Variants in NEK7 observed in about 807,000 individuals in gnomAD.
NEK7 encodes NIMA related kinase 7.
Under a neutral mutation model 44.6 loss-of-function variants are expected in NEK7, and 18 were observed. That is an observed-to-expected ratio of 0.40 (90% CI 0.28 to 0.60). The LOEUF is 0.60. NEK7 is among the 20% of genes least tolerant of loss of function. The pLI is 0.38. For synonymous variants in NEK7, 130 were observed against 121.1 expected, an observed-to-expected ratio of 1.07 and a Z score of -0.48; for missense variants, 256 against 366.5, an observed-to-expected ratio of 0.70 and a Z score of 2.46.
intron 2 of NEK7, among the ~76,000 whole-genome samples, chr1:198,237,088 A>T (rs930300599): frequency 3.3e-5 from 5 of 152,148 alleles, no homozygotes; most frequent in African/African-American, 1.2e-4. Flanking sequence ...AGAGTTGATT[A>T]TGCTGTCTTC....
chr1:198,158,224 T>C (rs1258727953), intron 1 of NEK7, among the ~76,000 whole-genome samples: 1 of 152,230 alleles, frequency 6.6e-6, no homozygotes, highest in Non-Finnish European at 1.5e-5. Context: ...TACAGTAAGA[T>C]ACATGTTACT....
chr1:198,210,121 G>T (rs926618755), intron 1 of NEK7, among the ~76,000 whole-genome samples: 2 of 152,044 alleles, frequency 1.3e-5, no homozygotes, highest in Non-Finnish European at 2.9e-5. Context: ...TAGGGACAGG[G>T]TCCTACTTTG....
intron 2 of NEK7, among the ~76,000 whole-genome samples, chr1:198,247,647 G>C (rs181305899): frequency 3.5e-4 from 54 of 152,142 alleles, no homozygotes; most frequent in African/African-American, 1.3e-3. Flanking sequence ...AAGGAAGCAT[G>C]ATCTTTTTCT....
chr1:198,243,958 A>G (rs1301255133), intron 2 of NEK7, among the ~76,000 whole-genome samples: 1 of 152,104 alleles, frequency 6.6e-6, no homozygotes, highest in African/African-American at 2.4e-5. Flanking sequence ...GGAGGTCTAT[A>G]GAATACATGA....
chr1:198,261,288 G>T (rs1320609854), intron 3 of NEK7, among the ~76,000 whole-genome samples: 1 of 151,922 alleles, frequency 6.6e-6, no homozygotes, highest in Non-Finnish European at 1.5e-5. Context: ...ACTGACTATG[G>T]AGCTAGAACA....
At chr1:198,246,760 AT>A (rs1666846898) in intron 2 of NEK7, among the ~76,000 whole-genome samples, 1 of 152,250 alleles carries the variant, frequency 6.6e-6, no homozygotes, top group South Asian at 2.1e-4. Context: ...CAGACAGAAG[AT>A]GGAATTCCCA....
At chr1:198,298,751 C>G (rs1040609545) in intron 9 of NEK7, among the ~76,000 whole-genome samples, 1 of 152,176 alleles carries the variant, frequency 6.6e-6, no homozygotes, top group East Asian at 1.9e-4. Context: ...TCCTCATCCC[C>G]TATTCTTCTT....
At chr1:198,284,071 A>G (rs879586672) in intron 7 of NEK7, among the ~76,000 whole-genome samples, 4 of 152,154 alleles carry the variant, frequency 2.6e-5, no homozygotes, top group Admixed American at 6.6e-5. Context: ...GGGTATAATA[A>G]CATTTATCAT....
At chr1:198,202,811 G>A (rs1381619536) in intron 1 of NEK7, among the ~76,000 whole-genome samples, 5 of 152,046 alleles carry the variant, frequency 3.3e-5, no homozygotes, top group Admixed American at 2.0e-4. Context: ...TGGGTCCCTC[G>A]CACACCACAT....
chr1:198,317,877 A>ATTTTTTTTTTTTTTT (rs34704209), intron 9 of NEK7, among the ~76,000 whole-genome samples: 2 of 70,256 alleles, frequency 2.8e-5, no homozygotes, highest in African/African-American at 6.3e-5. Flanking sequence ...GGATATATTT[A>ATTTTTTTTTTTTTTT]TTTTTTTTTT....
chr1:198,222,992 C>A (rs190615021), intron 1 of NEK7, among the ~76,000 whole-genome samples: 8 of 151,948 alleles, frequency 5.3e-5, no homozygotes, highest in African/African-American at 1.9e-4. Flanking sequence ...AATACAAAGG[C>A]CTGATGCCAG....
intron 2 of NEK7, among the ~76,000 whole-genome samples, chr1:198,236,010 C>G (rs1053550868): frequency 1.8e-4 from 28 of 151,932 alleles, no homozygotes; most frequent in Non-Finnish European, 3.5e-4. Context: ...AGACTGTAAT[C>G]CATTTACTAT....
chr1:198,160,211 T>C (rs1183119588), intron 1 of NEK7, among the ~76,000 whole-genome samples: 2 of 152,180 alleles, frequency 1.3e-5, no homozygotes, highest in Non-Finnish European at 2.9e-5. Flanking sequence ...ACCTGAGAAC[T>C]GGGCCTGAGA....
intron 1 of NEK7, among the ~76,000 whole-genome samples, chr1:198,194,448 C>A (rs1447862779): frequency 2.0e-5 from 3 of 152,004 alleles, no homozygotes. Context: ...CCTCCTCCCA[C>A]CCTTCACCCT....
At chr1:198,159,719 T>G (rs973733776) in intron 1 of NEK7, among the ~76,000 whole-genome samples, 1 of 152,180 alleles carries the variant, frequency 6.6e-6, no homozygotes, top group African/African-American at 2.4e-5. Context: ...GTCTGGACAA[T>G]TTCGAGTTCA....
intron 1 of NEK7, among the ~76,000 whole-genome samples, chr1:198,228,694 C>G (rs923712322): frequency 6.6e-6 from 1 of 152,102 alleles, no homozygotes; most frequent in Non-Finnish European, 1.5e-5. Context: ...TATAAGAATG[C>G]TTATGATTTT....
intron 1 of NEK7, among the ~76,000 whole-genome samples, chr1:198,172,075 G>C (rs1282163359): frequency 2.0e-5 from 3 of 152,114 alleles, no homozygotes; most frequent in African/African-American, 7.2e-5. Context: ...GCAGCTCTGT[G>C]GTAGACATAT....
chr1:198,318,521 A>G (rs1655440128), intron 9 of NEK7, among the ~76,000 whole-genome samples: 1 of 152,208 alleles, frequency 6.6e-6, no homozygotes, highest in Non-Finnish European at 1.5e-5. Context: ...TAAGTGCTAT[A>G]TCGTGGCCAG....
At chr1:198,157,909 G>A (rs1393438314) in intron 1 of NEK7, among the ~76,000 whole-genome samples, 2 of 152,134 alleles carry the variant, frequency 1.3e-5, no homozygotes, top group Non-Finnish European at 2.9e-5. Context: ...TGGTGGCAAT[G>A]GAAAAGAAAT....
Sources: gnomAD v4.1 joint callset for allele counts (sites outside exome capture counted in the v4.1 genomes callset) on GRCh38, gnomAD v4.1.1 for gene constraint, MANE v1.5 for transcripts, NCBI Gene and HGNC (gene_info 2026-07-23, HGNC 2026-07-21) for gene names.